Variants in ENOSF1 observed in about 807,000 individuals in gnomAD.
ENOSF1 encodes the protein mitochondrial enolase superfamily member 1.
A neutral mutation model predicts 68.2 loss-of-function variants in ENOSF1; 73 were observed. That is an observed-to-expected ratio of 1.07 (90% CI 0.89 to 1.30). The LOEUF is 1.30. ENOSF1 is among the 50% of genes most tolerant of loss of function. The probability of loss-of-function intolerance (pLI) is 0.00; values close to 1 mark genes in which losing one functional copy is unlikely to be tolerated. For synonymous variants in ENOSF1, 223 were observed against 210.4 expected (o/e 1.06, Z -0.52); for missense variants, 589 against 554.5 (o/e 1.06, Z -0.62).
chr18:672,164 C>T lies in ENOSF1; in HGVS notation c.*2141G>A, dbSNP rs958254797. 3.3e-5 allele frequency: 5 copies of T among 152,170 alleles called. No individual in the cohort carries two copies. The highest frequency in any genetic ancestry group is 1.5e-5 in the Non-Finnish European group (1 of 68,044). The allele number at this position is 152,170 out of a possible 1,614,324, so 9.4% of individuals were successfully genotyped here. ...TGTTGAAATCCCTAAGTTATAGCAG[C>T]CAACAATTGATATGAAATGGCAATA... On this transcript the variant is annotated 3_prime_UTR_variant, in exon 16 of 16. Transcript: ENST00000647584.
downstream of ENOSF1, among the ~76,000 whole-genome samples, chr18:666,947 ATGGT>A (rs2074837810): frequency 1.8e-4 from 6 of 32,688 alleles, 1 homozygote; most frequent in African/African-American, 4.5e-4. Flanking sequence ...GGAGATGGTG[ATGGT>A]GATGGAGATG....
intron 1 of ENOSF1, among the ~76,000 whole-genome samples, chr18:710,401 C>T (rs1175802665): frequency 1.3e-5 from 2 of 152,018 alleles, no homozygotes; most frequent in Non-Finnish European, 2.9e-5. Context: ...TGAACCACCA[C>T]GCTCAGCCAA....
At chr18:697,168 G>T in intron 3 of ENOSF1, 72 bp downstream of exon 3, 1 of 983,718 alleles carries the variant, frequency 1.0e-6, no homozygotes, top group Non-Finnish European at 1.6e-6. Context: ...TTTCACATTC[G>T]TTGCACTCAA....
chr18:691,279 G>C lies in ENOSF1; in HGVS notation c.424-3C>G, dbSNP rs2077135975. 1 of 1,612,992 alleles carries C rather than the reference G, an allele frequency of 6.2e-7. No individual in the cohort carries two copies. On this transcript the variant is annotated splice_region_variant and splice_polypyrimidine_tract_variant and intron_variant, in intron 5 of 15. Transcript: ENST00000647584. ...CAGGATACCAGCATCCTGGGATCCT[G>C]GCAACGTGACAGGAGGGGAAGAGGC...
intron 2 of ENOSF1, among the ~76,000 whole-genome samples, chr18:702,872 T>C (rs1338999184): frequency 6.6e-6 from 1 of 152,228 alleles, no homozygotes; most frequent in Non-Finnish European, 1.5e-5. Flanking sequence ...ATTCTATACA[T>C]TTGAAAAACA....
chr18:677,864 A>T lies in ENOSF1; in HGVS notation c.927T>A (p.Asn309Lys). 6.2e-7 allele frequency: 1 copy of T among 1,612,560 alleles called. No individual in the cohort carries two copies. Among genetic ancestry groups the T allele is most frequent in the East Asian group, 2.2e-5 (1 of 44,862 alleles). ...IGIATGEQCH[N>K]RVIFKQLLQA... ...GTAGGAGTTGCTTAAATATCACTCT[A>T]TTGTGGCACTGGAAATAGAATTGAA... Residue 309 changes from asparagine to lysine, a missense_variant, in exon 13 of 16, where the codon AAT becomes AAA. Transcript: ENST00000647584.
chr18:704,606 TTTTTTC>T (rs1249356039), intron 2 of ENOSF1, among the ~76,000 whole-genome samples: 1 of 44,834 alleles, frequency 2.2e-5, no homozygotes, highest in African/African-American at 1.4e-4. Flanking sequence ...CTTCTGTATC[TTTTTTC>T]TTTTTTTTTT....
downstream of ENOSF1, among the ~76,000 whole-genome samples, chr18:667,370 T>TGATGGTGATGGTGATGGTGATGGA (rs2074866461): frequency 6.8e-5 from 1 of 14,716 alleles, no homozygotes; most frequent in Admixed American, 7.4e-4. Flanking sequence ...ATGGAGATGG[T>TGATGGTGATGGTGATGGTGATGGA]GATGGTGATG....
chr18:694,825 T>TAC (rs2077557464), intron 3 of ENOSF1, among the ~76,000 whole-genome samples: 1 of 152,090 alleles, frequency 6.6e-6, no homozygotes, highest in African/African-American at 2.4e-5. Context: ...TCTCTATATA[T>TAC]ATGTTAAGTA....
intron 2 of ENOSF1, among the ~76,000 whole-genome samples, chr18:705,576 TA>T (rs527643389): frequency 5.9e-5 from 9 of 151,846 alleles, no homozygotes; most frequent in Non-Finnish European, 1.3e-4. Flanking sequence ...AAAATGCAAA[TA>T]AAAAAAGAAT....
rs201965262 is a variant in ENOSF1 at position 692,596 on chromosome 18, TAAAAAAA to T, written c.423+1279_423+1285del. The stretch of plus-strand genomic sequence containing the variant: ...TGGGCAACAAGAAGAAAACTCCGTC[TAAAAAAA>T]AAAAAAAGAAAGAAAGAAAAAAAGA... On this transcript the variant is annotated intron_variant, in intron 5 of 15. Coordinates refer to ENST00000647584, the MANE Select transcript of ENOSF1 (RefSeq NM_017512.7). 14 of 507,380 alleles carry T rather than the reference TAAAAAAA, an allele frequency of 2.8e-5. No individual in the cohort carries two copies. The South Asian group carries it at 1.2e-3, about 42-fold the overall frequency. The allele number at this position is 507,380 out of a possible 1,614,324, so 31.4% of individuals were successfully genotyped here.
chr18:692,904 AAC>A, intron 5 of ENOSF1: 1 of 1,152,594 alleles, frequency 8.7e-7, no homozygotes. Flanking sequence ...TCTCCTGCCC[AAC>A]ACTCTTCAAG....
intron 7 of ENOSF1, 71 bp from the exon 8 acceptor site, chr18:690,702 A>AAGCTGTTTCCCCTGGAGAGGCC: frequency 6.3e-7 from 1 of 1,579,840 alleles, no homozygotes; most frequent in South Asian, 1.2e-5. Flanking sequence ...GCCTGTAGCT[A>AAGCTGTTTCCCCTGGAGAGGCC]AGCTGTTTCC....
Position 670,700 on chromosome 18 carries a change from C to T in ENOSF1, c.*3605G>A. ...CTCTGCTGGTTCCTCAGATCTTCCT[C>T]TGATGGCGCTGCCTCCATGCCATGC... is the stretch of plus-strand genomic sequence containing the variant. On this transcript the variant is annotated 3_prime_UTR_variant, in exon 16 of 16. Transcript: ENST00000647584. 6.2e-7 allele frequency: 1 copy of T among 1,613,988 alleles called. No homozygotes were observed. The highest frequency in any genetic ancestry group is 8.5e-7 in the Non-Finnish European group (1 of 1,179,954).
downstream of ENOSF1, among the ~76,000 whole-genome samples, chr18:666,882 A>G: frequency 7.1e-6 from 1 of 141,406 alleles, no homozygotes. Flanking sequence ...GATGACGAAA[A>G]AGTTCGGGAG....
chr18:668,988 A>T (rs947605155), downstream of ENOSF1: 10 of 1,140,934 alleles, frequency 8.8e-6, no homozygotes, highest in Non-Finnish European at 1.3e-5. Context: ...TGGGTAAGAG[A>T]CTGTAATAGA....
chr18:692,932 G>A (rs1179081632), intron 5 of ENOSF1: 8 of 1,176,688 alleles, frequency 6.8e-6, no homozygotes, highest in Non-Finnish European at 8.6e-6. Flanking sequence ...GGTGTTCTTT[G>A]TTTTTCCTTA....
rs1023149845 is a variant in ENOSF1 at position 675,653 on chromosome 18, C to T, written c.1149-251G>A. 8.4e-5 allele frequency: 40 copies of T among 475,636 alleles called. 1 individual carries two copies. The highest frequency in any genetic ancestry group is 5.6e-4 in the South Asian group (18 of 32,054). 29.5% of individuals were successfully genotyped at this position (475,636 alleles called of 1,614,324 possible). ...AAGTCCCTCTAGAGGTTTTGTGGTG[C>T]CCTTTAAAAGGGATCAATTCAGACT... is the stretch of plus-strand genomic sequence containing the variant. On this transcript the variant is annotated intron_variant, in intron 14 of 15. Coordinates refer to ENST00000647584, the MANE Select transcript of ENOSF1 (RefSeq NM_017512.7).
At chr18:676,679 G>A (rs754056461) in intron 14 of ENOSF1, among the ~76,000 whole-genome samples, 3 of 152,100 alleles carry the variant, frequency 2.0e-5, no homozygotes, top group Non-Finnish European at 4.4e-5. Context: ...AAAATAGTTC[G>A]GCTATATTAA....
Sources: allele counts gnomAD v4.1 joint callset (sites outside exome capture counted in the v4.1 genomes callset), GRCh38; gene constraint gnomAD v4.1.1; transcripts MANE v1.5; gene names NCBI Gene and HGNC (gene_info 2026-07-23, HGNC 2026-07-21).